Variants in CDH16 observed in about 807,000 individuals in gnomAD.
CDH16 encodes cadherin-16.
In CDH16, 79 loss-of-function variants were observed where a neutral mutation model predicts 87.6. The ratio of observed to expected loss-of-function variants is 0.90; its 90% confidence interval spans 0.75 to 1.09. The LOEUF (loss-of-function observed/expected upper bound fraction) is 1.09, where lower values mean the gene tolerates loss of function less well. Among genes scored for constraint, CDH16 ranks in the 50% least tolerant of loss-of-function variants. The pLI is 0.00. For synonymous variants in CDH16, 457 were observed against 439.5 expected (o/e 1.04, Z -0.50); for missense variants, 1,124 against 1,071.7 (o/e 1.05, Z -0.68).
chr16:66,916,028 C>T lies in CDH16; in HGVS notation c.424+37G>A, dbSNP rs1465208563. The T allele has an allele frequency of 6.2e-7, 1 of 1,613,356 alleles. No homozygotes were observed. Among genetic ancestry groups the T allele is most frequent in the Non-Finnish European group, 8.5e-7 (1 of 1,179,840 alleles). On this transcript the variant is annotated intron_variant, in intron 5 of 17. Transcript: ENST00000299752. The surrounding 1 kb of genome is among the most constrained non-coding windows in gnomAD (Gnocchi z 4.1). ...TCTCTGCTGTTCCATCAAGGCCCAC[C>T]TGACCTTACTGTAAATTGGCTGCCC...
Position 66,916,938 on chromosome 16 carries a change from C to A in CDH16, c.130-509G>T, listed in dbSNP as rs1962705545. 6.6e-6 allele frequency among the ~76,000 whole-genome samples: 1 copy of A among 152,116 alleles called. No homozygotes were observed. The highest frequency in any genetic ancestry group is 2.4e-5 in the African/African-American group (1 of 41,414). Reference sequence around the variant, plus strand: ...CCCAGGAGCAGACTCACACTGGGCTCTTGGCCACTCAAGGATTCTGTCGGA... The same window carrying A: ...CCCAGGAGCAGACTCACACTGGGCTATTGGCCACTCAAGGATTCTGTCGGA... On this transcript the variant is annotated intron_variant, in intron 3 of 17. Coordinates refer to ENST00000299752, the MANE Select transcript of CDH16 (RefSeq NM_004062.4). The surrounding 1 kb of genome is among the most constrained non-coding windows in gnomAD (Gnocchi z 4.1).
chr16:66,914,907 C>T (rs180958552), intron 6 of CDH16, among the ~76,000 whole-genome samples: 55 of 152,280 alleles, frequency 3.6e-4, no homozygotes, highest in South Asian at 1.0e-3. Flanking sequence ...AGGTCCAGGT[C>T]TCTTCCGCCA....
At chr16:66,914,631 G>A (rs558731271) in intron 6 of CDH16, among the ~76,000 whole-genome samples, 11 of 152,340 alleles carry the variant, frequency 7.2e-5, no homozygotes, top group South Asian at 4.1e-4. Flanking sequence ...CAACGAATGC[G>A]TGATAGACTA....
rs867242882 is a variant in CDH16 at position 66,910,393 on chromosome 16, G to A, written c.2034C>T (p.Pro678=). 1 of 1,613,334 alleles carries A rather than the reference G, an allele frequency of 6.2e-7. No homozygotes were observed. The highest frequency in any genetic ancestry group is 8.5e-7 in the Non-Finnish European group (1 of 1,179,610). Residue 678 remains proline, a synonymous_variant, in exon 15 of 18, where the codon CCC becomes CCT. Coordinates refer to ENST00000299752, the MANE Select transcript of CDH16 (RefSeq NM_004062.4). ...APVPSQYLCT[P]RQDHGLIVSG... ...TCACGATCAAGCCATGGTCTTGGCG[G>A]GGTGTGCAGAGGTATTGGGAGGGCA...
rs199875828 is a variant in CDH16 at position 66,917,725 on chromosome 16, C to A, written c.46G>T (p.Ala16Ser). Residue 16 changes from alanine to serine, a missense_variant and splice_region_variant, in exon 3 of 18, where the codon GCT becomes TCT. By Grantham distance (99) the Ala-to-Ser change is moderately conservative. Coordinates refer to ENST00000299752, the MANE Select transcript of CDH16 (RefSeq NM_004062.4). ...LWLLCVSVPQALPKAQPAELS... is the reference protein window; with the variant it reads ...LWLLCVSVPQSLPKAQPAELS... ...TCTGCAGGCTGGGCCTTGGGGAGAG[C>A]CTGTGGGAGGATTCTCACCTTGTCA... is the stretch of plus-strand genomic sequence containing the variant. 6.2e-7 allele frequency: 1 copy of A among 1,608,880 alleles called. No individual in the cohort carries two copies. Among genetic ancestry groups the A allele is most frequent in the Non-Finnish European group, 8.5e-7 (1 of 1,177,140 alleles).
rs775342818 is a variant in CDH16, at chr16:66,910,501, A to G, written c.1926T>C (p.Asp642=). The G allele has an allele frequency of 2.0e-6, 3 of 1,514,742 alleles. No homozygotes were observed. Among genetic ancestry groups the G allele is most frequent in the Admixed American group, 4.1e-5 (2 of 48,490 alleles). 93.8% of individuals were successfully genotyped at this position (1,514,742 alleles called of 1,614,324 possible). ...GTGCAGAAGCGCTCAGTCTCGGCTC[A>G]TCTGCAGAGGAGGCAGTGCTGAGCT... ...YTVLVEAQDT[D]EPRLSASAPL... The change falls in exon 15 of 18, where the codon GAT becomes GAC. Residue 642 remains aspartate (D), a splice_region_variant and synonymous_variant. Coordinates refer to ENST00000299752, the MANE Select transcript of CDH16 (RefSeq NM_004062.4).
intron 2 of CDH16, 113 bp from the exon 3 acceptor site, chr16:66,917,838 C>A: frequency 9.6e-7 from 1 of 1,042,058 alleles, no homozygotes; most frequent in South Asian, 1.6e-5. Flanking sequence ...TACCTTAGTC[C>A]ATCCACCCGC....
rs754425315 is a variant in CDH16 at position 66,910,270 on chromosome 16, C to A, written c.2157G>T (p.Gln719His). The A allele has an allele frequency of 1.2e-6, 2 of 1,601,050 alleles. No individual in the cohort carries two copies. The highest frequency in any genetic ancestry group is 2.2e-5 in the South Asian group (2 of 88,904). The change falls in exon 15 of 18, where the codon CAG becomes CAT. Residue 719 changes from glutamine (Q) to histidine (H), a missense_variant. By Grantham distance (24) the Gln-to-His change is conservative. Coordinates refer to ENST00000299752, the MANE Select transcript of CDH16 (RefSeq NM_004062.4). Reference sequence around the variant, plus strand: ...TTCCCCACCACACACCATTGAGAGTCTGGAGGCGCCAATCCCGTTGCACCG... The same window carrying A: ...TTCCCCACCACACACCATTGAGAGTATGGAGGCGCCAATCCCGTTGCACCG... ...NPTVQRDWRLQTLNGSHAYLT... is the reference protein window; with the variant it reads ...NPTVQRDWRLHTLNGSHAYLT...
chr16:66,915,620 C>T (rs1310913987), intron 5 of CDH16, among the ~76,000 whole-genome samples: 1 of 152,188 alleles, frequency 6.6e-6, no homozygotes, highest in Non-Finnish European at 1.5e-5. Context: ...GGGCCAGGTG[C>T]AGTGGCTCAT....
chr16:66,912,206 T>C, intron 12 of CDH16, 36 bp downstream of exon 12: 3 of 1,600,022 alleles, frequency 1.9e-6, no homozygotes, highest in Non-Finnish European at 1.7e-6. Context: ...CATGCGTGCA[T>C]GTGTGGGCCC....
At chr16:66,912,991 C>CGT (rs112552212) in intron 9 of CDH16, 100 bp from the exon 10 acceptor site, 53,127 of 1,111,048 alleles carry the variant, frequency 0.048, 323 homozygotes, top group East Asian at 0.13. Flanking sequence ...AATTTGAGCT[C>CGT]GTGTGTGTGT....
In CDH16 at chr16:66,909,874, A is replaced by ACAGGCATG; in HGVS notation, c.2275+104_2275+111dup. On this transcript the variant is annotated intron_variant, in intron 16 of 17. Coordinates refer to ENST00000299752, the MANE Select transcript of CDH16 (RefSeq NM_004062.4). The surrounding 1 kb of genome is among the most constrained non-coding windows in gnomAD (Gnocchi z 4.1). ...CCCAGCCATAGGTGTGCAAGTGTGC[A>ACAGGCATG]CAGGCATGTGCTGTCCACATGAGCA... 2.7e-6 allele frequency: 2 copies of ACAGGCATG among 754,698 alleles called. No homozygotes were observed. The highest frequency in any genetic ancestry group is 5.0e-5 in the East Asian group (2 of 39,634). The allele number at this position is 754,698 out of a possible 1,614,324, so 46.8% of individuals were successfully genotyped here. A position where few individuals can be genotyped will look rare whatever the true frequency, so the allele number is the denominator to read the frequency against.
rs543855301 is a variant in CDH16, at chr16:66,912,846, C to G, written c.1100G>C (p.Gly367Ala). Residue 367 changes from glycine (G) to alanine (A), a missense_variant, in exon 10 of 18, where the codon GGC becomes GCC. By Grantham distance (60) the Gly-to-Ala change is moderately conservative. Transcript: ENST00000299752. ...RLSAEDADAP[G>A]SPNSHVVYQL... ...ATACACAACGTGGGAATTGGGGGAG[C>G]CGGGGGCATCTGCATCCTCTGCTGA... The G allele has an allele frequency of 5.0e-6, 8 of 1,613,362 alleles. 1 individual carries two copies. In the South Asian group the frequency reaches 8.8e-5, roughly 18 times the overall value.
In CDH16 at chr16:66,917,709, T is replaced by G. The variant is rs774663057; in HGVS notation, c.62A>C (p.Gln21Pro). 2 of 1,612,264 alleles carry G rather than the reference T, an allele frequency of 1.2e-6. No individual in the cohort carries two copies. Among genetic ancestry groups the G allele is most frequent in the East Asian group, 4.5e-5 (2 of 44,882 alleles). The change falls in exon 3 of 18, where the codon CAG (glutamine) becomes CCG (proline). Residue 21 changes from glutamine (Q) to proline (P), a missense_variant. Transcript: ENST00000299752. ...VSVPQALPKAQPAELSVEVPE... is the reference protein window; with the variant it reads ...VSVPQALPKAPPAELSVEVPE... ...AACTTCCACAGACAGCTCTGCAGGC[T>G]GGGCCTTGGGGAGAGCCTGTGGGAG...
At chr16:66,917,958 G>T in intron 2 of CDH16, 63 bp downstream of exon 2, 1 of 1,389,946 alleles carries the variant, frequency 7.2e-7, no homozygotes, top group Non-Finnish European at 9.9e-7. Flanking sequence ...AGGTGGAGTT[G>T]GGGGCAAGGG....
At position 66,909,823 on chromosome 16, in the gene CDH16, T is replaced by A. The variant is rs1202002157; in HGVS notation, c.2275+163A>T. Among the ~76,000 whole-genome samples the A allele has an allele frequency of 2.0e-5, 3 of 152,186 alleles. No individual in the cohort carries two copies. The highest frequency in any genetic ancestry group is 4.4e-5 in the Non-Finnish European group (3 of 68,024). The stretch of plus-strand genomic sequence containing the variant: ...AAAAAAATGTATGTGCCTCTGTGCC[T>A]GTTCCTGTGTGCCCAGGTATGTGTG... On this transcript the variant is annotated intron_variant, in intron 16 of 17. Transcript: ENST00000299752. The surrounding 1 kb of genome is among the most constrained non-coding windows in gnomAD (Gnocchi z 4.1).
chr16:66,915,963 G>T, intron 5 of CDH16, 102 bp downstream of exon 5: 1 of 1,274,796 alleles, frequency 7.8e-7, no homozygotes, highest in Non-Finnish European at 1.1e-6. Context: ...GACAGAAATG[G>T]CTGCCCTGTC....
At position 66,917,525 on chromosome 16, in the gene CDH16, C is replaced by T. The variant is rs964567854; in HGVS notation, c.129+117G>A. 13 of 759,462 alleles carry T rather than the reference C, an allele frequency of 1.7e-5. No homozygotes were observed. In the African/African-American group the frequency reaches 2.1e-4, roughly 12 times the overall value. The allele number at this position is 759,462 out of a possible 1,614,324, so 47.0% of individuals were successfully genotyped here. ...ACTCAACCTGTGTAACGTGTACATA[C>T]TCTCTGGAAAGCAGGATTTCAAAGA... On this transcript the variant is annotated intron_variant, in intron 3 of 17. Transcript: ENST00000299752.
intron 17 of CDH16, 129 bp from the exon 18 acceptor site, chr16:66,908,618 G>A (rs1291054029): frequency 1.3e-6 from 1 of 756,932 alleles, no homozygotes; most frequent in African/African-American, 1.7e-5. Flanking sequence ...CCTGAGGCTG[G>A]GCTGGGTATG....
Sources: gnomAD v4.1 joint callset for allele counts (sites outside exome capture counted in the v4.1 genomes callset) on GRCh38, gnomAD v4.1.1 for gene constraint, Gnocchi (gnomAD v3.1) non-coding constraint, MANE v1.5 for transcripts, NCBI Gene and HGNC (gene_info 2026-07-23, HGNC 2026-07-21) for gene names.